RHPN2: variants seen among roughly 807,000 people sequenced by gnomAD.
RHPN2 encodes rhophilin-2.
RHPN2 carries 40 observed loss-of-function variants against 79.0 expected under a neutral mutation model. That is an observed-to-expected ratio of 0.51 (90% CI 0.39 to 0.66). The LOEUF (loss-of-function observed/expected upper bound fraction) is 0.66. Ranked by LOEUF, RHPN2 falls within the 30% of genes least tolerant of loss-of-function variation. The pLI, the probability that RHPN2 is intolerant of heterozygous loss-of-function variation, is 0.00. For missense variants in RHPN2, 686 were observed against 883.5 expected, an observed-to-expected ratio of 0.78 and a Z score of 2.83; for synonymous variants, 285 against 363.5, an observed-to-expected ratio of 0.78 and a Z score of 2.46.
intron 10 of RHPN2, 24 bp from the exon 11 acceptor site, chr19:32,996,244 C>G (rs762273273): frequency 6.2e-6 from 10 of 1,613,880 alleles, no homozygotes; most frequent in Admixed American, 1.7e-5. Context: ...CCAGCACCCA[C>G]GTGACTTGCA....
chr19:32,999,635 C>T lies in RHPN2; in HGVS notation c.1176G>A (p.Gly392=). 1.2e-6 allele frequency: 2 copies of T among 1,613,122 alleles called. No individual in the cohort carries two copies. Among genetic ancestry groups the T allele is most frequent in the South Asian group, 1.1e-5 (1 of 91,050 alleles). Residue 392 remains glycine, a synonymous_variant, in exon 10 of 15, where the codon GGG becomes GGA. Coordinates refer to ENST00000254260, the MANE Select transcript of RHPN2 (RefSeq NM_033103.5). ...LSQLYDHMPE[G]LTPLATLKND... is the part of the protein sequence containing the mutation. The stretch of plus-strand genomic sequence containing the variant: ...TCTTCAGTGTGGCCAAGGGTGTCAG[C>T]CCCTCTGGCATGTGGTCGTAGAGCT...
chr19:33,037,286 G>T (rs1972066149), intron 2 of RHPN2, among the ~76,000 whole-genome samples: 1 of 152,132 alleles, frequency 6.6e-6, no homozygotes, highest in African/African-American at 2.4e-5. Context: ...ATCTGGTGGG[G>T]ACATGGAGAA....
At chr19:33,031,345 G>T (rs1489429920) in intron 2 of RHPN2, among the ~76,000 whole-genome samples, 7 of 147,794 alleles carry the variant, frequency 4.7e-5, no homozygotes, top group Admixed American at 1.4e-4. Context: ...CTGCAGCCTT[G>T]CCCTCCAGGG....
At chr19:32,997,098 T>G (rs1425245396) in intron 10 of RHPN2, among the ~76,000 whole-genome samples, 1 of 152,136 alleles carries the variant, frequency 6.6e-6, no homozygotes, top group Non-Finnish European at 1.5e-5. Flanking sequence ...TTATCATTGC[T>G]ATGTTGCCCA....
At chr19:33,061,476 AT>A (rs749163139) in intron 1 of RHPN2, among the ~76,000 whole-genome samples, 4,473 of 135,612 alleles carry the variant, frequency 0.033, 141 homozygotes, top group African/African-American at 0.093. Context: ...AAGTGCTGGG[AT>A]TTTTTTTTTT....
At chr19:33,016,389 A>G (rs1394638216) in intron 4 of RHPN2, among the ~76,000 whole-genome samples, 1 of 152,166 alleles carries the variant, frequency 6.6e-6, no homozygotes, top group Non-Finnish European at 1.5e-5. Flanking sequence ...CTTTAAAATA[A>G]AACAAAATCG....
At chr19:33,002,549 C>A (rs1156822104) in intron 8 of RHPN2, 146 bp from the exon 9 acceptor site, 12 of 1,000,252 alleles carry the variant, frequency 1.2e-5, no homozygotes, top group Non-Finnish European at 1.7e-5. Flanking sequence ...CAAGAGACCC[C>A]TCGTTCTGTC....
chr19:33,026,503 C>T lies in RHPN2; in HGVS notation c.314+1G>A, dbSNP rs368723604. The T allele has an allele frequency of 3.1e-6, 5 of 1,607,554 alleles. No individual in the cohort carries two copies. The highest frequency in any genetic ancestry group is 3.3e-4 in the Middle Eastern group (2 of 6,044). On this transcript the variant is annotated splice_donor_variant, in intron 3 of 14. Transcript: ENST00000254260. LOFTEE classifies it high-confidence loss of function. ...TTGGAAGGTGTGCTGCTCCCACTTA[C>T]TCTGTGTTCTGATAGACGCCCACCG...
intron 1 of RHPN2, among the ~76,000 whole-genome samples, chr19:33,053,332 G>T (rs116927707): frequency 1.3e-5 from 2 of 151,596 alleles, no homozygotes; most frequent in Non-Finnish European, 2.9e-5. Flanking sequence ...ACATCAAATC[G>T]TGAACATTTC....
At chr19:33,002,582 T>A (rs1254327609) in intron 8 of RHPN2, among the ~76,000 whole-genome samples, 179 bp from the exon 9 acceptor site, 2 of 152,106 alleles carry the variant, frequency 1.3e-5, no homozygotes, top group African/African-American at 4.8e-5. Flanking sequence ...AACAGGGGGA[T>A]CAGGCTGCTG....
intron 6 of RHPN2, among the ~76,000 whole-genome samples, chr19:33,011,415 A>G (rs1971834214): frequency 6.6e-6 from 1 of 152,184 alleles, no homozygotes; most frequent in African/African-American, 2.4e-5. Context: ...TGATACAACG[A>G]GCAAGAAAAA....
intron 13 of RHPN2, chr19:32,991,500 C>G (rs955089488): frequency 2.8e-6 from 1 of 351,124 alleles, no homozygotes; most frequent in Non-Finnish European, 5.4e-6. Context: ...AGTGTGGTGG[C>G]ACGTGCCTGT....
At chr19:33,032,920 C>A (rs193044149) in intron 2 of RHPN2, among the ~76,000 whole-genome samples, 10 of 152,294 alleles carry the variant, frequency 6.6e-5, no homozygotes, top group Admixed American at 3.9e-4. Flanking sequence ...GACTTTGTGG[C>A]ATGCACTAGC....
intron 2 of RHPN2, among the ~76,000 whole-genome samples, chr19:33,034,446 A>C (rs1201699554): frequency 6.6e-6 from 1 of 151,892 alleles, no homozygotes; most frequent in East Asian, 1.9e-4. Flanking sequence ...TCTACTAAAA[A>C]TACAAAAAAA....
intron 3 of RHPN2, among the ~76,000 whole-genome samples, chr19:33,025,981 G>GTT (rs71340523): frequency 0.38 from 48,834 of 128,780 alleles, 11,064 homozygotes; most frequent in African/African-American, 0.63. Context: ...GTGTTCATTT[G>GTT]TTTTTTTTTT....
At chr19:33,015,616 A>C (rs1971871663) in intron 4 of RHPN2, among the ~76,000 whole-genome samples, 1 of 152,184 alleles carries the variant, frequency 6.6e-6, no homozygotes, top group Admixed American at 6.6e-5. Flanking sequence ...TGTTTATAAA[A>C]CCCAATAGCA....
chr19:33,003,113 CT>C, intron 7 of RHPN2, 113 bp from the exon 8 acceptor site: 3 of 915,354 alleles, frequency 3.3e-6, no homozygotes, highest in South Asian at 1.4e-5. Flanking sequence ...AATCCCAACA[CT>C]TTGGGAGGCC....
Position 33,036,880 on chromosome 19 carries a change from C to A in RHPN2, c.185+7369G>T, listed in dbSNP as rs1367554332. Among the ~76,000 whole-genome samples, 362 of 150,632 alleles carry A rather than the reference C, an allele frequency of 2.4e-3. 5 individuals are homozygous for A. Among genetic ancestry groups the A allele is most frequent in the African/African-American group, 7.3e-3 (294 of 40,310 alleles). Reference sequence around the variant, plus strand: ...GCCCGCCATGCCTGAGCCCCCCCGCCACCCTCTGTGGGCTCCTGTGTAGCC... The same window carrying A: ...GCCCGCCATGCCTGAGCCCCCCCGCAACCCTCTGTGGGCTCCTGTGTAGCC... On this transcript the variant is annotated intron_variant, in intron 2 of 14. Coordinates refer to ENST00000254260, the MANE Select transcript of RHPN2 (RefSeq NM_033103.5).
At chr19:32,996,877 T>TA (rs1464754607) in intron 10 of RHPN2, among the ~76,000 whole-genome samples, 1 of 152,060 alleles carries the variant, frequency 6.6e-6, no homozygotes, top group Non-Finnish European at 1.5e-5. Context: ...AGCCTTTTAT[T>TA]AAAATATTAT....
Sources: allele counts gnomAD v4.1 joint callset (sites outside exome capture counted in the v4.1 genomes callset), GRCh38; gene constraint gnomAD v4.1.1; transcripts MANE v1.5; gene names NCBI Gene and HGNC (gene_info 2026-07-23, HGNC 2026-07-21).